KCNQ1: variants seen among roughly 807,000 people sequenced by gnomAD.
KCNQ1 encodes the protein potassium voltage-gated channel subfamily KQT member 1.
Under a neutral mutation model 72.4 loss-of-function variants are expected in KCNQ1, and 49 were observed. That is an observed-to-expected ratio of 0.68 (90% confidence interval 0.54 to 0.86). The LOEUF (loss-of-function observed/expected upper bound fraction) is 0.86. Among genes scored for constraint, KCNQ1 ranks in the 40% least tolerant of loss-of-function variants. The pLI is 0.00. For missense variants in KCNQ1, 790 were observed against 945.1 expected (o/e 0.84, Z 2.15); for synonymous variants, 450 against 412.6 (o/e 1.09, Z -1.10).
intron 10 of KCNQ1, chr11:2,629,024 A>C (rs1424771535): frequency 2.5e-6 from 1 of 398,174 alleles, no homozygotes; most frequent in Non-Finnish European, 4.4e-6. Flanking sequence ...AAGCATGTGT[A>C]ATATCTTTCA....
At chr11:2,568,272 C>CATAAATAA (rs71029149) in intron 2 of KCNQ1, among the ~76,000 whole-genome samples, 2,732 of 149,130 alleles carry the variant, frequency 0.018, 36 homozygotes, top group African/African-American at 0.02. Context: ...GACTCTGTCT[C>CATAAATAA]ATAAATAAAT....
At chr11:2,561,335 G>A (rs1474998245) in intron 2 of KCNQ1, among the ~76,000 whole-genome samples, 3 of 152,220 alleles carry the variant, frequency 2.0e-5, no homozygotes, top group Non-Finnish European at 2.9e-5. Flanking sequence ...GGGACGGGGC[G>A]TCAGGTCAGC....
At chr11:2,533,331 C>T (rs1225951213) in intron 2 of KCNQ1, among the ~76,000 whole-genome samples, 2 of 152,178 alleles carry the variant, frequency 1.3e-5, no homozygotes, top group African/African-American at 4.8e-5. Flanking sequence ...CGGCTGGGGT[C>T]CGGCCGGCAC....
intron 11 of KCNQ1, chr11:2,692,038 C>T (rs1359954809): frequency 5.0e-6 from 2 of 398,638 alleles, no homozygotes; most frequent in Non-Finnish European, 8.8e-6. Context: ...GGCCCTGACC[C>T]CCCAAATGTC....
In KCNQ1 at chr11:2,592,036, C is replaced by T. The variant is rs866823493; in HGVS notation, c.1393+3182C>T. Among the ~76,000 whole-genome samples the T allele has an allele frequency of 1.3e-5, 2 of 151,550 alleles. No homozygotes were observed. The highest frequency in any genetic ancestry group is 1.4e-4 in the Admixed American group (2 of 14,768). Reference sequence around the variant, plus strand: ...GTACGAACAGCCACACTGAGTCCCCCGCAAAGTCAAACCCAGGCCTCGACC... The same window carrying T: ...GTACGAACAGCCACACTGAGTCCCCTGCAAAGTCAAACCCAGGCCTCGACC... On this transcript the variant is annotated intron_variant, in intron 10 of 15. Transcript: ENST00000155840. The surrounding 1 kb of genome is among the most constrained non-coding windows in gnomAD (Gnocchi z 5.2).
intron 11 of KCNQ1, among the ~76,000 whole-genome samples, chr11:2,709,182 G>A (rs1850962244): frequency 6.6e-6 from 1 of 151,888 alleles, no homozygotes; most frequent in Admixed American, 6.5e-5. Flanking sequence ...CTTGGCCCTG[G>A]AGCGTGGGAG....
Position 2,611,872 on chromosome 11 carries a change from A to T in KCNQ1, c.1393+23018A>T, listed in dbSNP as rs1848984067. On this transcript the variant is annotated intron_variant, in intron 10 of 15. Coordinates refer to ENST00000155840, the MANE Select transcript of KCNQ1 (RefSeq NM_000218.3). This position sits in a 1 kb window ranked among gnomAD's most constrained non-coding sequence, Gnocchi z 5.3. ...ATTCCTTTGTTAGTTTATTTCCCCC[A>T]TTTTTAAAGTGTAATCTGGAGGTTA... 2.5e-6 allele frequency: 1 copy of T among 398,112 alleles called. No homozygotes were observed. Among genetic ancestry groups the T allele is most frequent in the African/African-American group, 2.1e-5 (1 of 48,524 alleles). The allele number at this position is 398,112 out of a possible 1,614,324, so 24.7% of individuals were successfully genotyped here.
rs1846103201 is a variant in KCNQ1, at chr11:2,450,220, A to G, written c.386+4736A>G. Among the ~76,000 whole-genome samples, 1 of 152,170 alleles carries G rather than the reference A, an allele frequency of 6.6e-6. No homozygotes were observed. Among genetic ancestry groups the G allele is most frequent in the South Asian group, 2.1e-4 (1 of 4,826 alleles). On this transcript the variant is annotated intron_variant, in intron 1 of 15. Coordinates refer to ENST00000155840, the MANE Select transcript of KCNQ1 (RefSeq NM_000218.3). The surrounding 1 kb of genome is among the most constrained non-coding windows in gnomAD (Gnocchi z 7.9). ...AACAAGGCTGGGACAATCTCATCTC[A>G]GGCATCTGTGGGAGGAGACAGCTCC...
At position 2,759,222 on chromosome 11, in the gene KCNQ1, C is replaced by T. The variant is rs936074567; in HGVS notation, c.1515-9622C>T. On this transcript the variant is annotated intron_variant, in intron 11 of 15. Transcript: ENST00000155840. This position sits in a 1 kb window ranked among gnomAD's most constrained non-coding sequence, Gnocchi z 4.4. ...CACACACGTGATGTGCTTGTGTCTG[C>T]TGACATAAGTGCTCAAGGAAGAGTC... is the stretch of plus-strand genomic sequence containing the variant. Among the ~76,000 whole-genome samples the T allele has an allele frequency of 1.3e-5, 2 of 152,074 alleles. No individual in the cohort carries two copies. The highest frequency in any genetic ancestry group is 4.8e-5 in the African/African-American group (2 of 41,408).
Position 2,678,438 on chromosome 11 carries a change from T to C in KCNQ1, c.1514+16357T>C. 2.5e-6 allele frequency: 1 copy of C among 398,628 alleles called. No individual in the cohort carries two copies. Among genetic ancestry groups the C allele is most frequent in the Non-Finnish European group, 4.4e-6 (1 of 226,060 alleles). The allele number at this position is 398,628 out of a possible 1,614,324, so 24.7% of individuals were successfully genotyped here. On this transcript the variant is annotated intron_variant, in intron 11 of 15. Coordinates refer to ENST00000155840, the MANE Select transcript of KCNQ1 (RefSeq NM_000218.3). This position sits in a 1 kb window ranked among gnomAD's most constrained non-coding sequence, Gnocchi z 4.9. ...CTATTTATTTGAGTACATCATCATC[T>C]CTCTACTAATTTCAACTGCTACCTT...
At position 2,790,674 on chromosome 11, in the gene KCNQ1, C is replaced by T. The variant is rs538940200; in HGVS notation, c.1794+12637C>T. On this transcript the variant is annotated intron_variant, in intron 15 of 15. Transcript: ENST00000155840. Reference sequence around the variant, plus strand: ...TCACGTGGGCTCTCAGCGCCTCAGCCTCCTGGCCCCCAGTGGAGGGGACAG... The same window carrying T: ...TCACGTGGGCTCTCAGCGCCTCAGCTTCCTGGCCCCCAGTGGAGGGGACAG... Among the ~76,000 whole-genome samples the T allele has an allele frequency of 2.0e-5, 3 of 152,372 alleles. No individual in the cohort carries two copies. In the South Asian group the frequency reaches 6.2e-4, roughly 32 times the overall value.
chr11:2,756,563 G>A (rs900369246), intron 11 of KCNQ1, among the ~76,000 whole-genome samples: 3 of 152,088 alleles, frequency 2.0e-5, no homozygotes, highest in Admixed American at 6.6e-5. Context: ...GGATAGGGGA[G>A]ACAAGGATAC....
intron 1 of KCNQ1, chr11:2,461,858 G>GT (rs772785353): frequency 1.9e-5 from 11 of 564,530 alleles, no homozygotes; most frequent in Non-Finnish European, 1.4e-5. Context: ...AGAGAAAGGG[G>GT]TGGGTGGACG....
At chr11:2,572,770 G>T in intron 5 of KCNQ1, 76 bp from the exon 6 acceptor site, 4 of 1,592,196 alleles carry the variant, frequency 2.5e-6, no homozygotes, top group South Asian at 1.1e-5. Context: ...GCTGGGACTC[G>T]CTGCCTTAGG....
rs1209927583 is a variant in KCNQ1, at chr11:2,609,243, A to G, written c.1393+20389A>G. On this transcript the variant is annotated intron_variant, in intron 10 of 15. Transcript: ENST00000155840. ...TGTATCTTCATTTTCATTAATCTCA[A>G]AGTACGTTCCATTTCCCTTGTGAAT... 33 of 398,120 alleles carry G rather than the reference A, an allele frequency of 8.3e-5. No individual in the cohort carries two copies. In the East Asian group the frequency reaches 1.1e-3, roughly 13 times the overall value. The allele number at this position is 398,120 out of a possible 1,614,324, so 24.7% of individuals were successfully genotyped here.
chr11:2,716,988 T>C (rs928865086), intron 11 of KCNQ1, among the ~76,000 whole-genome samples: 1 of 152,180 alleles, frequency 6.6e-6, no homozygotes, highest in Non-Finnish European at 1.5e-5. Flanking sequence ...AGCTGTTCAG[T>C]GGGCCCTGTA....
intron 10 of KCNQ1, chr11:2,644,810 T>G: frequency 2.5e-6 from 1 of 398,702 alleles, no homozygotes; most frequent in Non-Finnish European, 4.4e-6. Flanking sequence ...TTTTTTCAGC[T>G]GTAAACAGCA....
chr11:2,612,147 A>G lies in KCNQ1; in HGVS notation c.1393+23293A>G. On this transcript the variant is annotated intron_variant, in intron 10 of 15. Transcript: ENST00000155840. This position sits in a 1 kb window ranked among gnomAD's most constrained non-coding sequence, Gnocchi z 5.5. ...GACTGGTACCAGTCTGTGGCCTATTAGAAACTGGGCTACACAGCAGGAGGT... is the reference window on the plus strand; with the variant it reads ...GACTGGTACCAGTCTGTGGCCTATTGGAAACTGGGCTACACAGCAGGAGGT... The G allele has an allele frequency of 5.0e-6, 2 of 398,626 alleles. No homozygotes were observed. The highest frequency in any genetic ancestry group is 6.3e-4 in the Middle Eastern group (1 of 1,588). The allele number at this position is 398,626 out of a possible 1,614,324, so 24.7% of individuals were successfully genotyped here. A position where few individuals can be genotyped will look rare whatever the true frequency, so the allele number is the denominator to read the frequency against.
At chr11:2,829,839 A>T (rs1167903489) in intron 15 of KCNQ1, among the ~76,000 whole-genome samples, 1 of 150,860 alleles carries the variant, frequency 6.6e-6, no homozygotes, top group Non-Finnish European at 1.5e-5. Context: ...GGCTGTTTAA[A>T]GATGGGAGAG....
Sources: gnomAD v4.1 joint callset for allele counts (sites outside exome capture counted in the v4.1 genomes callset) on GRCh38, gnomAD v4.1.1 for gene constraint, Gnocchi (gnomAD v3.1) non-coding constraint, MANE v1.5 for transcripts, NCBI Gene and HGNC (gene_info 2026-07-23, HGNC 2026-07-21) for gene names.